The following SNTG1 variants were observed in gnomAD, a reference collection of about 807,000 sequenced individuals.
The protein encoded by SNTG1 is gamma-1-syntrophin.
In SNTG1, 39 loss-of-function variants were observed where a neutral mutation model predicts 74.7. That is an observed-to-expected ratio of 0.52 (90% confidence interval 0.40 to 0.68). The LOEUF (loss-of-function observed/expected upper bound fraction) is 0.68. Ranked by LOEUF, SNTG1 falls within the 30% of genes least tolerant of loss-of-function variation. SNTG1 has a pLI of 0.00. For missense variants in SNTG1, 685 were observed against 609.5 expected, an observed-to-expected ratio of 1.12 and a Z score of -1.30; for synonymous variants, 254 against 217.1, an observed-to-expected ratio of 1.17 and a Z score of -1.49.
chr8:49,965,411 T>A (rs1408236721), intron 1 of SNTG1, among the ~76,000 whole-genome samples: 1 of 152,220 alleles, frequency 6.6e-6, no homozygotes, highest in Admixed American at 6.5e-5. Context: ...AACAACTCAC[T>A]GTCTAATCAG....
chr8:50,672,374 A>G (rs2095288269), intron 15 of SNTG1, among the ~76,000 whole-genome samples: 1 of 152,078 alleles, frequency 6.6e-6, no homozygotes, highest in African/African-American at 2.4e-5. Context: ...AATAATCACC[A>G]TTCTAACTAG....
intron 1 of SNTG1, among the ~76,000 whole-genome samples, chr8:50,121,571 A>T (rs534733030): frequency 7.0e-6 from 1 of 143,156 alleles, no homozygotes; most frequent in African/African-American, 2.5e-5. Context: ...ATTAATACAA[A>T]CTAACTTTAG....
intron 1 of SNTG1, among the ~76,000 whole-genome samples, chr8:50,015,308 A>G (rs190146170): frequency 4.6e-5 from 7 of 152,160 alleles, no homozygotes; most frequent in African/African-American, 1.7e-4. Flanking sequence ...AGAGAGAATC[A>G]GGTAACTTGA....
intron 1 of SNTG1, among the ~76,000 whole-genome samples, chr8:49,938,114 G>C (rs1200561763): frequency 5.9e-5 from 9 of 152,050 alleles, no homozygotes. Flanking sequence ...CTTATTTTCT[G>C]AAACCCAAAT....
intron 1 of SNTG1, among the ~76,000 whole-genome samples, chr8:50,024,210 C>T (rs1311327063): frequency 1.3e-5 from 2 of 152,226 alleles, no homozygotes; most frequent in Non-Finnish European, 1.5e-5. Context: ...ATCATGGAAT[C>T]AGTTTGGAAT....
intron 1 of SNTG1, among the ~76,000 whole-genome samples, chr8:50,143,891 A>G (rs1056049352): frequency 1.3e-5 from 2 of 152,236 alleles, no homozygotes; most frequent in South Asian, 4.1e-4. Context: ...GTTACATCAT[A>G]TACCTTAATC....
intron 2 of SNTG1, among the ~76,000 whole-genome samples, chr8:50,208,977 C>T (rs2084380136): frequency 6.6e-6 from 1 of 152,158 alleles, no homozygotes; most frequent in Non-Finnish European, 1.5e-5. Context: ...AATTCCCTTT[C>T]CTAGCCAAGG....
chr8:50,791,783 T>C (rs2095691330), intron 18 of SNTG1, among the ~76,000 whole-genome samples: 1 of 151,852 alleles, frequency 6.6e-6, no homozygotes, highest in Non-Finnish European at 1.5e-5. Flanking sequence ...TTGATTTCAT[T>C]AAGCACACAA....
intron 2 of SNTG1, among the ~76,000 whole-genome samples, chr8:50,207,613 G>A (rs1042421824): frequency 6.6e-6 from 1 of 151,994 alleles, no homozygotes; most frequent in African/African-American, 2.4e-5. Flanking sequence ...TGGAACTTTT[G>A]AATGTGTTTG....
chr8:50,299,921 C>T (rs1241066692), intron 2 of SNTG1, among the ~76,000 whole-genome samples: 1 of 152,112 alleles, frequency 6.6e-6, no homozygotes, highest in East Asian at 1.9e-4. Context: ...TCAACTTTAT[C>T]TTTCATAGCA....
intron 8 of SNTG1, among the ~76,000 whole-genome samples, chr8:50,470,848 G>T (rs951033290): frequency 3.9e-5 from 6 of 152,164 alleles, no homozygotes; most frequent in Non-Finnish European, 7.3e-5. Context: ...TGCTGCAGGG[G>T]GCTCTGGTGG....
chr8:50,585,945 A>G, intron 12 of SNTG1, among the ~76,000 whole-genome samples: 1 of 152,202 alleles, frequency 6.6e-6, no homozygotes, highest in East Asian at 1.9e-4. Flanking sequence ...ACAGAAATGA[A>G]GGTATACTAT....
intron 13 of SNTG1, among the ~76,000 whole-genome samples, chr8:50,595,022 G>GTGT (rs1382889057): frequency 1.6e-4 from 1 of 6,102 alleles, no homozygotes; most frequent in African/African-American, 9.8e-4. Flanking sequence ...TATTGAAGAT[G>GTGT]TGTGTGTGTG....
intron 17 of SNTG1, among the ~76,000 whole-genome samples, chr8:50,727,954 C>T (rs954278328): frequency 5.9e-5 from 9 of 152,166 alleles, no homozygotes; most frequent in Non-Finnish European, 1.2e-4. Flanking sequence ...GTTTACTGAT[C>T]TCTTGGTACA....
chr8:50,051,922 G>A (rs116892248), intron 1 of SNTG1, among the ~76,000 whole-genome samples: 2 of 152,012 alleles, frequency 1.3e-5, no homozygotes, highest in Non-Finnish European at 2.9e-5. Flanking sequence ...AATTAAAGAT[G>A]ATCTAAATTT....
chr8:50,620,850 C>T (rs564539813), intron 13 of SNTG1, among the ~76,000 whole-genome samples: 1 of 152,218 alleles, frequency 6.6e-6, no homozygotes, highest in South Asian at 2.1e-4. Flanking sequence ...CAACCCTGTT[C>T]AGAGGTGAAT....
At chr8:50,492,591 C>G (rs2093867347) in intron 8 of SNTG1, among the ~76,000 whole-genome samples, 1 of 151,876 alleles carries the variant, frequency 6.6e-6, no homozygotes, top group Non-Finnish European at 1.5e-5. Context: ...TGGAGTTGTT[C>G]TTTCCTTGTA....
intron 1 of SNTG1, among the ~76,000 whole-genome samples, chr8:50,123,064 G>A (rs1196026862): frequency 7.0e-6 from 1 of 142,450 alleles, no homozygotes; most frequent in African/African-American, 2.5e-5. Context: ...TACTGCAGGT[G>A]AGAGTAGGTC....
intron 17 of SNTG1, among the ~76,000 whole-genome samples, chr8:50,728,579 A>G (rs1445448223): frequency 6.6e-6 from 1 of 152,124 alleles, no homozygotes; most frequent in African/African-American, 2.4e-5. Context: ...CACCTTGAGC[A>G]CTCATTTTTG....
Sources: gnomAD v4.1 joint callset for allele counts (sites outside exome capture counted in the v4.1 genomes callset) on GRCh38, gnomAD v4.1.1 for gene constraint, MANE v1.5 for transcripts, NCBI Gene and HGNC (gene_info 2026-07-23, HGNC 2026-07-21) for gene names.